The following DMD variants were observed in gnomAD, a reference collection of about 807,000 sequenced individuals.
The protein encoded by DMD is dystrophin.
In DMD, 63 loss-of-function variants were observed where a neutral mutation model predicts 330.1. The ratio of observed to expected loss-of-function variants is 0.19; its 90% CI spans 0.16 to 0.24. The LOEUF (loss-of-function observed/expected upper bound fraction) is 0.24, where lower values mean the gene tolerates loss of function less well. Ranked by LOEUF, DMD falls within the 10% of genes least tolerant of loss-of-function variation. DMD has a pLI of 1.00. For missense variants in DMD, 3,344 were observed against 2,684.1 expected, an observed-to-expected ratio of 1.25 and a Z score of -5.43; for synonymous variants, 1,223 against 959.8, an observed-to-expected ratio of 1.27 and a Z score of -5.07.
chrX:31,800,590 G>A (rs186030019), intron 50 of DMD, among the ~76,000 whole-genome samples: 8 of 112,330 alleles, frequency 7.1e-5, no homozygotes, highest in Admixed American at 1.9e-4. Flanking sequence ...TTGTCTTGGC[G>A]CTTAACATTT....
At chrX:31,821,313 T>A (rs2092752698) in intron 49 of DMD, among the ~76,000 whole-genome samples, 1 of 112,628 alleles carries the variant, frequency 8.9e-6, no homozygotes, top group African/African-American at 3.2e-5. Context: ...CCCAATAATT[T>A]GCATTTTTAA....
At chrX:32,966,939 CAAAAT>C (rs2092179868) in intron 2 of DMD, among the ~76,000 whole-genome samples, 1 of 111,936 alleles carries the variant, frequency 8.9e-6, no homozygotes, top group Non-Finnish European at 1.9e-5. Context: ...AACAAGCTAG[CAAAAT>C]CCTGGTATAA....
chrX:31,993,008 G>T (rs1327942045), intron 44 of DMD, among the ~76,000 whole-genome samples: 1 of 111,736 alleles, frequency 8.9e-6, no homozygotes, highest in Non-Finnish European at 1.9e-5. Context: ...AAGCAGAAGC[G>T]TGGTGGATTA....
rs1022946002 is a variant in DMD, at chrX:32,644,402, G to A, written c.1150-89C>T. On this transcript the variant is annotated intron_variant, in intron 10 of 78. Coordinates refer to ENST00000357033, the MANE Select transcript of DMD (RefSeq NM_004006.3). ...TTTATTTGTTTGCAGTTTTAAACTT[G>A]TGGCCCATTTAGATTTATATTCCCA... 19 of 983,045 alleles carry A rather than the reference G, an allele frequency of 1.9e-5. No homozygotes were observed. The African/African-American group carries it at 3.1e-4, about 16-fold the overall frequency. 81.0% of individuals were successfully genotyped at this position (983,045 alleles called of 1,213,427 possible).
At chrX:32,711,546 T>G (rs2065193233) in intron 7 of DMD, among the ~76,000 whole-genome samples, 1 of 111,986 alleles carries the variant, frequency 8.9e-6, no homozygotes, top group Non-Finnish European at 1.9e-5. Flanking sequence ...CAACCGTTAG[T>G]TGTCTTTGAT....
intron 21 of DMD, among the ~76,000 whole-genome samples, chrX:32,480,460 G>A (rs2041748891): frequency 9.6e-6 from 1 of 104,554 alleles, no homozygotes; most frequent in African/African-American, 4.1e-5. Context: ...CACAGTATGT[G>A]TCTACGTGTG....
chrX:32,502,171 C>T (rs1423637411), intron 18 of DMD, among the ~76,000 whole-genome samples: 1 of 111,162 alleles, frequency 9.0e-6, no homozygotes, highest in Non-Finnish European at 1.9e-5. Flanking sequence ...TGTCACATAA[C>T]TAAAATGAAA....
chrX:31,908,027 T>A (rs1308208073), intron 47 of DMD, among the ~76,000 whole-genome samples: 17 of 111,837 alleles, frequency 1.5e-4, no homozygotes, highest in Admixed American at 3.8e-4. Context: ...ACCATCTCAC[T>A]CCAGTTAGAA....
At chrX:32,415,449 A>G (rs2098162616) in intron 29 of DMD, among the ~76,000 whole-genome samples, 2 of 111,902 alleles carry the variant, frequency 1.8e-5, no homozygotes, top group African/African-American at 6.5e-5. Context: ...TCTTTCAACT[A>G]GTCATGGCAT....
intron 9 of DMD, among the ~76,000 whole-genome samples, chrX:32,655,769 A>G (rs1255827350): frequency 9.0e-6 from 1 of 111,164 alleles, no homozygotes; most frequent in Non-Finnish European, 1.9e-5. Context: ...AACGTGTGGG[A>G]GTCTAAGTCT....
chrX:32,039,273 T>A (rs1009117417), intron 44 of DMD, among the ~76,000 whole-genome samples: 1 of 111,320 alleles, frequency 9.0e-6, no homozygotes, highest in African/African-American at 3.3e-5. Context: ...AATGGCCTCA[T>A]GAGAAGGATG....
chrX:33,284,403 G>A (rs756779515), intron 1 of DMD, among the ~76,000 whole-genome samples: 1 of 110,579 alleles, frequency 9.0e-6, no homozygotes, highest in African/African-American at 3.3e-5. Context: ...ATTAATTTTT[G>A]GAACTTTTAG....
intron 43 of DMD, among the ~76,000 whole-genome samples, chrX:32,267,347 C>T (rs1199527118): frequency 8.9e-6 from 1 of 112,098 alleles, no homozygotes; most frequent in Non-Finnish European, 1.9e-5. Flanking sequence ...AACCTATTAA[C>T]CAAAATATTT....
At chrX:32,046,445 A>G (rs776102183) in intron 44 of DMD, among the ~76,000 whole-genome samples, 1 of 112,719 alleles carries the variant, frequency 8.9e-6, no homozygotes, top group South Asian at 3.6e-4. Flanking sequence ...ATTCAAGTTT[A>G]TCAAGCTGAA....
Position 32,539,935 on chromosome X carries a change from G to T in DMD, c.2168+5224C>A, listed in dbSNP as rs958145859. On this transcript the variant is annotated intron_variant, in intron 17 of 78. Coordinates refer to ENST00000357033, the MANE Select transcript of DMD (RefSeq NM_004006.3). ...GAAAAAACAGACCAGGTGAACTGAG[G>T]CATTTCAAAATGCCTCTACATTATC... Among the ~76,000 whole-genome samples the T allele has an allele frequency of 1.8e-5, 2 of 111,584 alleles. 1 individual carries two copies. The highest frequency in any genetic ancestry group is 5.6e-4 in the East Asian group (2 of 3,563).
intron 73 of DMD, among the ~76,000 whole-genome samples, chrX:31,170,111 T>C (rs777228794): frequency 9.0e-6 from 1 of 111,503 alleles, no homozygotes; most frequent in East Asian, 2.8e-4. Context: ...TTAACTTATA[T>C]AAGTCATTGA....
chrX:32,821,645 G>A (rs777424181), intron 5 of DMD, among the ~76,000 whole-genome samples: 1 of 110,821 alleles, frequency 9.0e-6, no homozygotes, highest in Non-Finnish European at 1.9e-5. Context: ...TTTACCGAAT[G>A]AAGCCATGAT....
chrX:31,689,041 C>G (rs2148800246), intron 52 of DMD, among the ~76,000 whole-genome samples: 1 of 111,823 alleles, frequency 8.9e-6, no homozygotes, highest in East Asian at 2.8e-4. Flanking sequence ...TGGAAGCATT[C>G]CCTTTGAAAA....
rs541094843 is a variant in DMD at position 31,226,355 on chromosome X, A to C, written c.9287-3234T>G. On this transcript the variant is annotated intron_variant, in intron 63 of 78. Coordinates refer to ENST00000357033, the MANE Select transcript of DMD (RefSeq NM_004006.3). ...TGGGCTTTTATTAATAGATTATTTA[A>C]TAACTACTATAGTCAACTACACCAA... 1.2e-4 allele frequency among the ~76,000 whole-genome samples: 14 copies of C among 112,187 alleles called. 1 individual carries two copies. Among genetic ancestry groups the C allele is most frequent in the Admixed American group, 3.8e-4 (4 of 10,617 alleles).
Sources: gnomAD v4.1 joint callset for allele counts (sites outside exome capture counted in the v4.1 genomes callset) on GRCh38, gnomAD v4.1.1 for gene constraint, MANE v1.5 for transcripts, NCBI Gene and HGNC (gene_info 2026-07-23, HGNC 2026-07-21) for gene names.